The following MALRD1 variants were observed in gnomAD, a reference collection of about 807,000 sequenced individuals.
MALRD1 encodes the protein MAM and LDL receptor class A domain containing 1.
A neutral mutation model predicts 242.1 loss-of-function variants in MALRD1; 247 were observed. The ratio of observed to expected loss-of-function variants is 1.02; its 90% confidence interval spans 0.92 to 1.13. The LOEUF (loss-of-function observed/expected upper bound fraction) is 1.13. Ranked by LOEUF, MALRD1 falls within the 50% of genes most tolerant of loss-of-function variation. The pLI is 0.00. For synonymous variants in MALRD1, 995 were observed against 866.6 expected, an observed-to-expected ratio of 1.15 and a Z score of -2.60; for missense variants, 2,989 against 2,533.1, an observed-to-expected ratio of 1.18 and a Z score of -3.86.
chr10:19,283,248 C>A lies in MALRD1; in HGVS notation c.3419+67C>A, dbSNP rs561870611. On this transcript the variant is annotated intron_variant, in intron 21 of 39. Coordinates refer to ENST00000454679, the MANE Select transcript of MALRD1 (RefSeq NM_001142308.3). Reference sequence around the variant, plus strand: ...TTATTAAGCATCTCCCAAATTTCTGCCCCCACCACCTTATCCTAGGCCAAT... The same window carrying A: ...TTATTAAGCATCTCCCAAATTTCTGACCCCACCACCTTATCCTAGGCCAAT... 3.9e-6 allele frequency: 5 copies of A among 1,278,386 alleles called. No individual in the cohort carries two copies. The Admixed American group carries it at 8.9e-5, about 23-fold the overall frequency. 79.2% of individuals were successfully genotyped at this position (1,278,386 alleles called of 1,614,324 possible).
chr10:19,429,880 C>T (rs1380331162), intron 28 of MALRD1, among the ~76,000 whole-genome samples: 1 of 152,094 alleles, frequency 6.6e-6, no homozygotes, highest in Non-Finnish European at 1.5e-5. Flanking sequence ...CCCCAAATTC[C>T]CTACCATCTT....
In MALRD1 at chr10:19,138,076, C is replaced by T. The variant is rs548864814; in HGVS notation, c.1411+1295C>T. 3.9e-5 allele frequency among the ~76,000 whole-genome samples: 6 copies of T among 152,190 alleles called. No individual in the cohort carries two copies. In the East Asian group the frequency reaches 5.8e-4, roughly 15 times the overall value. Reference sequence around the variant, plus strand: ...AGCTTGGATTTTATTAAGAGCAACGCGGAGGGACACAGGAGAGAGGAGATG... The same window carrying T: ...AGCTTGGATTTTATTAAGAGCAACGTGGAGGGACACAGGAGAGAGGAGATG... On this transcript the variant is annotated intron_variant, in intron 10 of 39. Coordinates refer to ENST00000454679, the MANE Select transcript of MALRD1 (RefSeq NM_001142308.3).
chr10:19,630,663 T>A (rs1839859443), intron 36 of MALRD1, among the ~76,000 whole-genome samples: 1 of 152,152 alleles, frequency 6.6e-6, no homozygotes, highest in South Asian at 2.1e-4. Flanking sequence ...ATGTAAGTTA[T>A]GATGTATTGT....
intron 36 of MALRD1, among the ~76,000 whole-genome samples, chr10:19,659,323 T>G (rs1193657377): frequency 6.6e-6 from 1 of 152,134 alleles, no homozygotes; most frequent in Non-Finnish European, 1.5e-5. Context: ...CTTACAATAG[T>G]CCTGGGAGAT....
chr10:19,503,973 T>C (rs577693964), intron 31 of MALRD1, among the ~76,000 whole-genome samples: 2 of 152,196 alleles, frequency 1.3e-5, no homozygotes, highest in Non-Finnish European at 2.9e-5. Context: ...GCATACAAGC[T>C]TACTATCATG....
At chr10:19,601,924 AAAT>A (rs1838360592) in intron 34 of MALRD1, among the ~76,000 whole-genome samples, 1 of 152,054 alleles carries the variant, frequency 6.6e-6, no homozygotes, top group African/African-American at 2.4e-5. Context: ...TTGCAATGAA[AAAT>A]AATGATAAAA....
At chr10:19,628,734 T>G (rs920681330) in intron 36 of MALRD1, among the ~76,000 whole-genome samples, 4 of 152,144 alleles carry the variant, frequency 2.6e-5, no homozygotes, top group African/African-American at 9.7e-5. Flanking sequence ...TTAAAAAGAT[T>G]TTTGAAAACA....
chr10:19,492,052 C>A (rs1837517543), intron 30 of MALRD1, among the ~76,000 whole-genome samples: 1 of 147,596 alleles, frequency 6.8e-6, no homozygotes, highest in Admixed American at 6.7e-5. Context: ...TGAAAATGAT[C>A]ACTTTTAATA....
chr10:19,348,022 T>C lies in MALRD1; in HGVS notation c.4149+4T>C. On this transcript the variant is annotated splice_donor_region_variant and intron_variant, in intron 25 of 39. Coordinates refer to ENST00000454679, the MANE Select transcript of MALRD1 (RefSeq NM_001142308.3). ...TAAGAGAAGCAAAAACTGCAAGGTA[T>C]GGGGAAAATCGAACCAACCAACCAA... 4 of 1,548,528 alleles carry C rather than the reference T, an allele frequency of 2.6e-6. No homozygotes were observed. Among genetic ancestry groups the C allele is most frequent in the Non-Finnish European group, 3.5e-6 (4 of 1,145,748 alleles).
chr10:19,661,948 A>G (rs555137359), intron 36 of MALRD1, among the ~76,000 whole-genome samples: 37 of 152,182 alleles, frequency 2.4e-4, no homozygotes, highest in Non-Finnish European at 4.4e-4. Context: ...GATGAACAAA[A>G]TAAGTACTTC....
chr10:19,444,880 G>A (rs1834879872), intron 28 of MALRD1, among the ~76,000 whole-genome samples: 1 of 151,918 alleles, frequency 6.6e-6, no homozygotes, highest in Admixed American at 6.6e-5. Flanking sequence ...GGGAAGTTCT[G>A]GATAATATCC....
chr10:19,245,856 A>G (rs954366836), intron 18 of MALRD1, among the ~76,000 whole-genome samples: 1 of 152,202 alleles, frequency 6.6e-6, no homozygotes, highest in East Asian at 1.9e-4. Context: ...ATGTCACAAT[A>G]TATTTTAAAA....
At chr10:19,058,422 A>G (rs957980002) in intron 1 of MALRD1, among the ~76,000 whole-genome samples, 5 of 152,228 alleles carry the variant, frequency 3.3e-5, no homozygotes, top group Admixed American at 1.3e-4. Context: ...CAGAAAAGTC[A>G]AGGAAAGTTT....
chr10:19,199,224 G>A (rs1472731478), intron 14 of MALRD1, among the ~76,000 whole-genome samples: 3 of 152,150 alleles, frequency 2.0e-5, no homozygotes, highest in Non-Finnish European at 4.4e-5. Context: ...ACTTAACAGC[G>A]ATTATTATTG....
chr10:19,318,866 T>C (rs1395389385), intron 21 of MALRD1, among the ~76,000 whole-genome samples: 1 of 152,008 alleles, frequency 6.6e-6, no homozygotes, highest in Non-Finnish European at 1.5e-5. Flanking sequence ...ATGGATATGG[T>C]CCCTAAGTAA....
chr10:19,317,250 G>T (rs1055252733), intron 21 of MALRD1, among the ~76,000 whole-genome samples: 5 of 151,788 alleles, frequency 3.3e-5, no homozygotes, highest in Admixed American at 6.6e-5. Context: ...TTTCTTATTT[G>T]CAGATAGAGA....
At chr10:19,498,960 T>G (rs1837844563) in intron 31 of MALRD1, among the ~76,000 whole-genome samples, 1 of 152,180 alleles carries the variant, frequency 6.6e-6, no homozygotes, top group South Asian at 2.1e-4. Flanking sequence ...GATTAATGAT[T>G]GCAATATGCA....
intron 28 of MALRD1, among the ~76,000 whole-genome samples, chr10:19,398,117 C>T (rs1008488998): frequency 6.6e-6 from 1 of 151,930 alleles, no homozygotes; most frequent in African/African-American, 2.4e-5. Flanking sequence ...TAGATTGTCT[C>T]TTCATTCTGT....
At chr10:19,070,019 G>A (rs1272478666) in intron 2 of MALRD1, among the ~76,000 whole-genome samples, 2 of 151,988 alleles carry the variant, frequency 1.3e-5, no homozygotes, top group Non-Finnish European at 2.9e-5. Flanking sequence ...CATGCTGTTA[G>A]ATGAAATCTC....
Sources: gnomAD v4.1 joint callset for allele counts (sites outside exome capture counted in the v4.1 genomes callset) on GRCh38, gnomAD v4.1.1 for gene constraint, MANE v1.5 for transcripts, NCBI Gene and HGNC (gene_info 2026-07-23, HGNC 2026-07-21) for gene names.